Variants in GABRA2 observed in about 807,000 individuals in gnomAD.
The protein encoded by GABRA2 is gamma-aminobutyric acid receptor subunit alpha-2.
GABRA2 carries 16 observed loss-of-function variants against 48.7 expected under a neutral mutation model. That is an observed-to-expected ratio of 0.33 (90% confidence interval 0.22 to 0.50). The LOEUF (loss-of-function observed/expected upper bound fraction) is 0.50, where lower values mean the gene tolerates loss of function less well. Among genes scored for constraint, GABRA2 ranks in the 20% least tolerant of loss-of-function variants. The pLI is 0.98. For missense variants in GABRA2, 275 were observed against 535.6 expected, an observed-to-expected ratio of 0.51 and a Z score of 4.80; for synonymous variants, 185 against 184.5, an observed-to-expected ratio of 1.00 and a Z score of -0.02.
At chr4:46,372,950 G>A (rs1470847808) in intron 3 of GABRA2, among the ~76,000 whole-genome samples, 1 of 152,104 alleles carries the variant, frequency 6.6e-6, no homozygotes, top group Non-Finnish European at 1.5e-5. Context: ...TCACTTAAAT[G>A]TGCACCTGCC....
intron 9 of GABRA2, among the ~76,000 whole-genome samples, chr4:46,253,568 T>C (rs1373181652): frequency 6.6e-6 from 1 of 151,516 alleles, no homozygotes; most frequent in Non-Finnish European, 1.5e-5. Context: ...AAAGTATGGC[T>C]TCACTCTATG....
Position 46,310,263 on chromosome 4 carries a change from T to G in GABRA2, c.477-8A>C. The G allele has an allele frequency of 6.2e-7, 1 of 1,609,758 alleles. No individual in the cohort carries two copies. Among genetic ancestry groups the G allele is most frequent in the Non-Finnish European group, 8.5e-7 (1 of 1,176,378 alleles). ...TCAGCTTGAACTGTAAGCCTAAAAGTCAAAATTTCACTATTTGTTTAAGTA... is the reference window on the plus strand; with the variant it reads ...TCAGCTTGAACTGTAAGCCTAAAAGGCAAAATTTCACTATTTGTTTAAGTA... On this transcript the variant is annotated splice_polypyrimidine_tract_variant and splice_region_variant and intron_variant, in intron 5 of 9. Transcript: ENST00000381620.
At chr4:46,382,707 A>G (rs761618303) in intron 3 of GABRA2, among the ~76,000 whole-genome samples, 1 of 152,308 alleles carries the variant, frequency 6.6e-6, no homozygotes, top group South Asian at 2.1e-4. Context: ...TCCTTCTCTC[A>G]GAATAAAATT....
intron 3 of GABRA2, among the ~76,000 whole-genome samples, chr4:46,341,512 A>G (rs1733235526): frequency 6.6e-6 from 1 of 151,960 alleles, no homozygotes; most frequent in Non-Finnish European, 1.5e-5. Context: ...TTTTGCAGCC[A>G]TTGAAGTCTC....
chr4:46,315,268 C>T (rs1728356661), intron 4 of GABRA2, among the ~76,000 whole-genome samples: 1 of 151,186 alleles, frequency 6.6e-6, no homozygotes, highest in Non-Finnish European at 1.5e-5. Context: ...TGTTTGTTGG[C>T]TGCTTGTATG....
At chr4:46,321,233 G>C (rs906551575) in intron 4 of GABRA2, among the ~76,000 whole-genome samples, 2 of 151,872 alleles carry the variant, frequency 1.3e-5, no homozygotes, top group African/African-American at 4.8e-5. Context: ...ACTGCGGTGG[G>C]ATGTGAAGAG....
upstream of GABRA2, chr4:46,390,299 G>A (rs1232116116): frequency 1.3e-5 from 2 of 151,284 alleles, no homozygotes; most frequent in African/African-American, 4.9e-5. Flanking sequence ...GCAGACCCGG[G>A]CGGCGTCGGG....
intron 5 of GABRA2, 50 bp downstream of exon 5, chr4:46,312,446 A>G (rs745812088): frequency 7.9e-7 from 1 of 1,269,848 alleles, no homozygotes; most frequent in Non-Finnish European, 1.1e-6. Context: ...TGTTTAATAC[A>G]TGAAAATTTC....
intron 3 of GABRA2, among the ~76,000 whole-genome samples, chr4:46,355,343 A>G (rs1735793333): frequency 6.6e-6 from 1 of 152,128 alleles, no homozygotes; most frequent in Admixed American, 6.6e-5. Flanking sequence ...AACATCCATC[A>G]TGCTTTAAAA....
At chr4:46,310,142 C>A in intron 6 of GABRA2, 31 bp downstream of exon 6, 8 of 1,557,516 alleles carry the variant, frequency 5.1e-6, no homozygotes, top group Non-Finnish European at 7.1e-6. Flanking sequence ...TATTATTGAC[C>A]CAAAACATGT....
chr4:46,275,886 T>C (rs1720401552), intron 8 of GABRA2, among the ~76,000 whole-genome samples: 1 of 152,016 alleles, frequency 6.6e-6, no homozygotes, highest in Admixed American at 6.6e-5. Flanking sequence ...TATTTGAAAA[T>C]AAAGGATAGC....
chr4:46,384,124 G>A (rs986211898), intron 3 of GABRA2, among the ~76,000 whole-genome samples: 2 of 152,164 alleles, frequency 1.3e-5, no homozygotes, highest in South Asian at 2.1e-4. Context: ...TTTGTGTGTG[G>A]ATGGAGCAGA....
rs114708494 is a variant in GABRA2 at position 46,389,978 on chromosome 4, G to T, written c.-254C>A. The T allele has an allele frequency of 0.034, 33,358 of 987,714 alleles. 623 individuals are homozygous for T. The highest frequency in any genetic ancestry group is 0.038 in the Non-Finnish European group (31,266 of 831,774). 61.2% of individuals were successfully genotyped at this position (987,714 alleles called of 1,614,324 possible). ...AGAAGGAGGCGAAGGCGTTCGTAGT[G>T]GCGGTGATGGGCGGAGGAGGAGGAA... is the stretch of plus-strand genomic sequence containing the variant. On this transcript the variant is annotated 5_prime_UTR_variant, in exon 1 of 10. Coordinates refer to ENST00000381620, the MANE Select transcript of GABRA2 (RefSeq NM_000807.4).
At position 46,248,979 on chromosome 4, in the gene GABRA2, TTAA is replaced by T. The variant is rs1210547925; in HGVS notation, c.*1326_*1328del. 37 of 150,650 alleles carry T rather than the reference TTAA, an allele frequency of 2.5e-4. No individual in the cohort carries two copies. The highest frequency in any genetic ancestry group is 7.8e-4 in the African/African-American group (32 of 41,288). 9.3% of individuals were successfully genotyped at this position (150,650 alleles called of 1,614,324 possible). A position where few individuals can be genotyped will look rare whatever the true frequency, so the allele number is the denominator to read the frequency against. On this transcript the variant is annotated 3_prime_UTR_variant, in exon 10 of 10. Transcript: ENST00000381620. ...TTAAAAGAAAAATGAATTTTACCCA[TTAA>T]TAACTAGTAATTATATAAAATTTAA...
At chr4:46,332,427 A>G (rs1323589677) in intron 4 of GABRA2, among the ~76,000 whole-genome samples, 188 bp downstream of exon 4, 1 of 152,160 alleles carries the variant, frequency 6.6e-6, no homozygotes, top group East Asian at 1.9e-4. Flanking sequence ...ACATAGGGCT[A>G]ATCCAAACAC....
At chr4:46,267,861 G>C (rs1477300231) in intron 8 of GABRA2, among the ~76,000 whole-genome samples, 1 of 151,910 alleles carries the variant, frequency 6.6e-6, no homozygotes, top group Non-Finnish European at 1.5e-5. Context: ...AATGTTTCAA[G>C]TGCCAAGATG....
chr4:46,357,342 T>G (rs976808284), intron 3 of GABRA2, among the ~76,000 whole-genome samples: 55 of 150,020 alleles, frequency 3.7e-4, no homozygotes, highest in Non-Finnish European at 3.0e-4. Flanking sequence ...AAAAAGGGTC[T>G]TATTATAGGC....
chr4:46,386,260 C>T (rs1233369561), intron 2 of GABRA2, 71 bp from the exon 3 acceptor site: 3 of 910,346 alleles, frequency 3.3e-6, no homozygotes, highest in African/African-American at 1.8e-5. Flanking sequence ...TGCTTTTCTT[C>T]CTTAATTTAA....
chr4:46,268,664 T>A (rs540264704), intron 8 of GABRA2, among the ~76,000 whole-genome samples: 2 of 152,048 alleles, frequency 1.3e-5, no homozygotes, highest in East Asian at 3.9e-4. Context: ...AATTACCATA[T>A]GATCCAGCAA....
Sources: allele counts gnomAD v4.1 joint callset (sites outside exome capture counted in the v4.1 genomes callset), GRCh38; gene constraint gnomAD v4.1.1; transcripts MANE v1.5; gene names NCBI Gene and HGNC (gene_info 2026-07-23, HGNC 2026-07-21).